The following PNPLA7 variants were observed in gnomAD, a reference collection of about 807,000 sequenced individuals.
PNPLA7 encodes the protein patatin-like phospholipase domain-containing protein 7.
Under a neutral mutation model 161.7 loss-of-function variants are expected in PNPLA7, and 153 were observed. The ratio of observed to expected loss-of-function variants is 0.95; its 90% CI spans 0.83 to 1.08. The LOEUF is 1.08. Ranked by LOEUF, PNPLA7 falls within the 50% of genes least tolerant of loss-of-function variation. The pLI, the probability that PNPLA7 is intolerant of heterozygous loss-of-function variation, is 0.00. For synonymous variants in PNPLA7, 809 were observed against 782.1 expected (o/e 1.03, Z -0.57); for missense variants, 1,739 against 1,856.6 (o/e 0.94, Z 1.16).
At chr9:137,506,227 A>C in intron 12 of PNPLA7, 144 bp from the exon 13 acceptor site, 1 of 633,898 alleles carries the variant, frequency 1.6e-6, no homozygotes, top group Non-Finnish European at 2.8e-6. Flanking sequence ...ATCCCTCCAC[A>C]CCCTGCTTTC....
In PNPLA7 at chr9:137,463,257, A is replaced by C. The variant is rs1588527214; in HGVS notation, c.3343+158T>G. On this transcript the variant is annotated intron_variant, in intron 29 of 34. Transcript: ENST00000406427. ...TGTACACGCGTGTGCATGTTCTCGGAGCTCTGATGCCAGCCTGACATTTTC... is the reference window on the plus strand; with the variant it reads ...TGTACACGCGTGTGCATGTTCTCGGCGCTCTGATGCCAGCCTGACATTTTC... 3.4e-5 allele frequency: 23 copies of C among 678,336 alleles called. No individual in the cohort carries two copies. In the East Asian group the frequency reaches 6.0e-4, roughly 18 times the overall value. 42.0% of individuals were successfully genotyped at this position (678,336 alleles called of 1,614,324 possible). A position where few individuals can be genotyped will look rare whatever the true frequency, so the allele number is the denominator to read the frequency against.
At chr9:137,549,213 T>G (rs952131416) in intron 1 of PNPLA7, among the ~76,000 whole-genome samples, 2 of 152,216 alleles carry the variant, frequency 1.3e-5, no homozygotes, top group African/African-American at 4.8e-5. Context: ...CTGGGCACAG[T>G]GTCTCACGCC....
In PNPLA7 at chr9:137,495,245, G is replaced by A. The variant is rs559561555; in HGVS notation, c.2014-99C>T. The A allele has an allele frequency of 1.1e-4, 88 of 780,444 alleles. 1 individual carries two copies. The African/African-American group carries it at 1.5e-3, about 13-fold the overall frequency. The allele number at this position is 780,444 out of a possible 1,614,324, so 48.3% of individuals were successfully genotyped here. On this transcript the variant is annotated intron_variant, in intron 18 of 34. Coordinates refer to ENST00000406427, the MANE Select transcript of PNPLA7 (RefSeq NM_001098537.3). ...TCCGGTGCCTGCCAGAGCCACACATGACACCCCATCCACACCGCAAGGCGG... is the reference window on the plus strand; with the variant it reads ...TCCGGTGCCTGCCAGAGCCACACATAACACCCCATCCACACCGCAAGGCGG...
chr9:137,468,101 G>A lies in PNPLA7; in HGVS notation c.2883-628C>T, dbSNP rs1831558749. On this transcript the variant is annotated intron_variant, in intron 25 of 34. Transcript: ENST00000406427. This position sits in a 1 kb window ranked among gnomAD's most constrained non-coding sequence, Gnocchi z 4.0. Reference sequence around the variant, plus strand: ...ACTTGAGGGGCCCTGGAAGGGAGGAGCCTGGGAAGCATCCTGAGGGGCAGC... The same window carrying A: ...ACTTGAGGGGCCCTGGAAGGGAGGAACCTGGGAAGCATCCTGAGGGGCAGC... 6.6e-6 allele frequency among the ~76,000 whole-genome samples: 1 copy of A among 151,868 alleles called. No homozygotes were observed. The highest frequency in any genetic ancestry group is 1.5e-5 in the Non-Finnish European group (1 of 67,954).
chr9:137,545,703 G>A (rs1156568139), intron 4 of PNPLA7, among the ~76,000 whole-genome samples: 1 of 152,188 alleles, frequency 6.6e-6, no homozygotes, highest in Non-Finnish European at 1.5e-5. Flanking sequence ...TCATAGCCTA[G>A]GAAAAACCAG....
chr9:137,462,220 T>C lies in PNPLA7; in HGVS notation c.3604A>G (p.Ser1202Gly), dbSNP rs556775964. 1 of 1,601,584 alleles carries C rather than the reference T, an allele frequency of 6.2e-7. No individual in the cohort carries two copies. Among genetic ancestry groups the C allele is most frequent in the East Asian group, 2.2e-5 (1 of 44,694 alleles). Residue 1202 changes from serine (S) to glycine (G), a missense_variant, in exon 31 of 35, where the codon AGC becomes GGC. Transcript: ENST00000406427. The part of the protein sequence containing the change: ...YCEYLRPPID[S>G]YSTLDFGKFN... ...TTGCCGAAGTCCAGGGTGCTGTAGC[T>C]GTCGATGGGGGGGCGCAGGTACTCG...
chr9:137,475,466 C>T (rs1831905873), intron 25 of PNPLA7, among the ~76,000 whole-genome samples: 1 of 152,198 alleles, frequency 6.6e-6, no homozygotes, highest in South Asian at 2.1e-4. Context: ...GCTCCATCCC[C>T]CCGGTTCACG....
At chr9:137,495,750 C>G (rs758914888) in intron 18 of PNPLA7, among the ~76,000 whole-genome samples, 2 of 152,080 alleles carry the variant, frequency 1.3e-5, no homozygotes, top group Admixed American at 6.6e-5. Context: ...GCCTGGAGAA[C>G]TCCTCTTTTT....
intron 9 of PNPLA7, 54 bp from the exon 10 acceptor site, chr9:137,521,770 C>A: frequency 6.7e-7 from 1 of 1,490,022 alleles, no homozygotes; most frequent in African/African-American, 1.4e-5. Flanking sequence ...ACAGGGCGGG[C>A]CCCCGGCAGC....
At chr9:137,544,201 C>CCCTCTGA (rs1489286857) in intron 4 of PNPLA7, among the ~76,000 whole-genome samples, 1 of 152,238 alleles carries the variant, frequency 6.6e-6, no homozygotes, top group Non-Finnish European at 1.5e-5. Context: ...CCCCAACTTC[C>CCCTCTGA]CCTCTGACCT....
intron 11 of PNPLA7, among the ~76,000 whole-genome samples, chr9:137,519,540 A>G (rs1156394145): frequency 6.6e-6 from 1 of 152,054 alleles, no homozygotes; most frequent in Non-Finnish European, 1.5e-5. Context: ...CATCCAGCCC[A>G]CATGTGAGGA....
chr9:137,519,798 G>A (rs1001486702), intron 11 of PNPLA7, 119 bp downstream of exon 11: 13 of 1,348,054 alleles, frequency 9.6e-6, no homozygotes, highest in Middle Eastern at 2.7e-4. Flanking sequence ...GAGGTGACCC[G>A]GGGATGTGTG....
At chr9:137,503,008 T>C (rs1003739099) in intron 14 of PNPLA7, among the ~76,000 whole-genome samples, 24 of 151,866 alleles carry the variant, frequency 1.6e-4, no homozygotes, top group African/African-American at 5.8e-4. Flanking sequence ...CTGTGAGGGA[T>C]GCTAGGTACT....
Position 137,461,631 on chromosome 9 carries a change from G to T in PNPLA7, c.3757-11C>A. ...GGGACAGGTGAGGACCTAGGGGTGG[G>T]GTGAGGACAGCACGTTGCCTGTGGA... On this transcript the variant is annotated splice_polypyrimidine_tract_variant and intron_variant, in intron 32 of 34. Coordinates refer to ENST00000406427, the MANE Select transcript of PNPLA7 (RefSeq NM_001098537.3). The T allele has an allele frequency of 6.2e-7, 1 of 1,602,918 alleles. No individual in the cohort carries two copies. Among genetic ancestry groups the T allele is most frequent in the Non-Finnish European group, 8.5e-7 (1 of 1,173,442 alleles).
chr9:137,517,140 A>C (rs1275759850), intron 11 of PNPLA7, among the ~76,000 whole-genome samples: 250 of 49,370 alleles, frequency 5.1e-3, no homozygotes, highest in Admixed American at 9.2e-3. Context: ...CTCCATCCCC[A>C]CTCACTCACT....
chr9:137,484,302 T>C (rs1241662083), intron 21 of PNPLA7, among the ~76,000 whole-genome samples: 1 of 152,188 alleles, frequency 6.6e-6, no homozygotes, highest in Non-Finnish European at 1.5e-5. Flanking sequence ...TGACTTCCTG[T>C]CTATCATCAT....
chr9:137,503,124 G>A (rs1833590469), intron 14 of PNPLA7, among the ~76,000 whole-genome samples: 2 of 152,050 alleles, frequency 1.3e-5, no homozygotes, highest in East Asian at 1.9e-4. Flanking sequence ...GCTCATGCCT[G>A]TAATCCCAGA....
At chr9:137,484,177 C>G (rs7860118) in intron 21 of PNPLA7, among the ~76,000 whole-genome samples, 3,002 of 152,206 alleles carry the variant, frequency 0.02, 110 homozygotes, top group African/African-American at 0.066. Context: ...CTCGGCCTCC[C>G]AAAGTGCTGG....
At chr9:137,480,745 G>A in intron 22 of PNPLA7, 1 of 729,714 alleles carries the variant, frequency 1.4e-6, no homozygotes, top group Non-Finnish European at 2.2e-6. Flanking sequence ...GCGGGAAGCG[G>A]GGGCTGGGGT....
Sources: gnomAD v4.1 joint callset for allele counts (sites outside exome capture counted in the v4.1 genomes callset) on GRCh38, gnomAD v4.1.1 for gene constraint, Gnocchi (gnomAD v3.1) non-coding constraint, MANE v1.5 for transcripts, NCBI Gene and HGNC (gene_info 2026-07-23, HGNC 2026-07-21) for gene names.